HPSE2: variants seen among roughly 807,000 people sequenced by gnomAD.
HPSE2 encodes heparanase 2 (inactive).
In HPSE2, 38 loss-of-function variants were observed where a neutral mutation model predicts 60.5. The observed-to-expected ratio is 0.63, with a 90% CI of 0.48 to 0.82. HPSE2 has a LOEUF of 0.82. HPSE2 is among the 40% of genes least tolerant of loss of function. HPSE2 has a pLI of 0.00. For synonymous variants in HPSE2, 295 were observed against 293.2 expected, an observed-to-expected ratio of 1.01 and a Z score of -0.06; for missense variants, 713 against 740.4, an observed-to-expected ratio of 0.96 and a Z score of 0.43.
At chr10:99,046,979 T>A (rs920135160) in intron 3 of HPSE2, among the ~76,000 whole-genome samples, 1 of 152,056 alleles carries the variant, frequency 6.6e-6, no homozygotes, top group Non-Finnish European at 1.5e-5. Flanking sequence ...AAAATTCATA[T>A]GGAATAACAA....
intron 2 of HPSE2, among the ~76,000 whole-genome samples, chr10:99,159,971 T>C (rs1043106235): frequency 4.0e-5 from 6 of 151,846 alleles, no homozygotes; most frequent in Non-Finnish European, 1.5e-5. Flanking sequence ...TGAAACCCTA[T>C]CTCTACTAAA....
chr10:98,968,557 T>G (rs1168435189), intron 3 of HPSE2, among the ~76,000 whole-genome samples: 1 of 152,200 alleles, frequency 6.6e-6, no homozygotes, highest in Non-Finnish European at 1.5e-5. Context: ...ACATGCATAT[T>G]TATAGCAGCA....
intron 3 of HPSE2, among the ~76,000 whole-genome samples, chr10:99,093,858 C>T (rs1050318785): frequency 3.3e-5 from 5 of 150,356 alleles, no homozygotes; most frequent in African/African-American, 1.2e-4. Flanking sequence ...CCATACCCTG[C>T]CTGTGTCCAT....
At chr10:98,713,742 T>A (rs1948728871) in intron 5 of HPSE2, among the ~76,000 whole-genome samples, 1 of 151,996 alleles carries the variant, frequency 6.6e-6, no homozygotes, top group Non-Finnish European at 1.5e-5. Context: ...CACATAATGT[T>A]AATATCCTGT....
At chr10:99,223,450 G>A (rs539011511) in intron 2 of HPSE2, among the ~76,000 whole-genome samples, 6 of 151,990 alleles carry the variant, frequency 3.9e-5, no homozygotes, top group East Asian at 3.9e-4. Context: ...TTCTAACTTC[G>A]CATTCCAAAC....
At chr10:99,148,191 T>C (rs749053513) in intron 2 of HPSE2, among the ~76,000 whole-genome samples, 5 of 152,194 alleles carry the variant, frequency 3.3e-5, no homozygotes, top group East Asian at 1.9e-4. Flanking sequence ...AGTGAAGAGT[T>C]TGGAGTTAAG....
chr10:98,923,274 G>A (rs1015600414), intron 3 of HPSE2, among the ~76,000 whole-genome samples: 6 of 152,162 alleles, frequency 3.9e-5, no homozygotes, highest in African/African-American at 9.7e-5. Context: ...AGACCTATTG[G>A]AGCTCCACTG....
At chr10:98,607,828 CATCAAATATAT>C (rs1386942918) in intron 9 of HPSE2, among the ~76,000 whole-genome samples, 1 of 152,026 alleles carries the variant, frequency 6.6e-6, no homozygotes, top group Non-Finnish European at 1.5e-5. Context: ...GTATCAAATG[CATCAAATATAT>C]ATCAAATACA....
intron 3 of HPSE2, among the ~76,000 whole-genome samples, chr10:99,023,478 G>A (rs979503088): frequency 1.3e-5 from 2 of 152,108 alleles, no homozygotes; most frequent in African/African-American, 2.4e-5. Flanking sequence ...GCTGATTGTA[G>A]AGCTCCAGGG....
chr10:99,291,578 A>G, the HPSE2 span, among the ~76,000 whole-genome samples: 7 of 62,970 alleles, frequency 1.1e-4, no homozygotes, highest in Non-Finnish European at 1.6e-4. Flanking sequence ...GCAAGACTCC[A>G]TCTGAAAAAA....
intron 3 of HPSE2, among the ~76,000 whole-genome samples, chr10:98,979,864 GA>G (rs1055311035): frequency 9.9e-5 from 15 of 152,128 alleles, no homozygotes; most frequent in African/African-American, 3.6e-4. Context: ...GAAGAATGAG[GA>G]AAAGCCATAT....
At chr10:99,171,481 T>G (rs1847306909) in intron 2 of HPSE2, among the ~76,000 whole-genome samples, 1 of 152,174 alleles carries the variant, frequency 6.6e-6, no homozygotes, top group South Asian at 2.1e-4. Context: ...TAGCTCTGAA[T>G]GTTCCTCTCT....
At chr10:98,868,493 T>G (rs1952650161) in intron 3 of HPSE2, among the ~76,000 whole-genome samples, 1 of 152,094 alleles carries the variant, frequency 6.6e-6, no homozygotes, top group Non-Finnish European at 1.5e-5. Context: ...TAAAAATAAC[T>G]AAGAATATAA....
chr10:99,051,440 G>A (rs1197392475), intron 3 of HPSE2, among the ~76,000 whole-genome samples: 1 of 152,134 alleles, frequency 6.6e-6, no homozygotes, highest in Non-Finnish European at 1.5e-5. Flanking sequence ...GCATTCATCA[G>A]TCTGTGCCAA....
intron 3 of HPSE2, among the ~76,000 whole-genome samples, chr10:98,989,835 T>G (rs1243529364): frequency 1.3e-5 from 2 of 152,132 alleles, no homozygotes; most frequent in Non-Finnish European, 2.9e-5. Context: ...GTAGGACTCT[T>G]GGTATTTTCA....
At chr10:99,308,121 C>T in the HPSE2 span, among the ~76,000 whole-genome samples, 1 of 151,982 alleles carries the variant, frequency 6.6e-6, no homozygotes, top group Admixed American at 6.6e-5. Flanking sequence ...GGTGCGGTGG[C>T]TCATGCCTGT....
At chr10:99,061,282 A>C (rs559648172) in intron 3 of HPSE2, among the ~76,000 whole-genome samples, 1 of 151,988 alleles carries the variant, frequency 6.6e-6, no homozygotes, top group African/African-American at 2.4e-5. Context: ...CAGATGACCC[A>C]GTATGCATCC....
chr10:98,704,437 A>G (rs367671698), intron 5 of HPSE2, among the ~76,000 whole-genome samples: 1 of 144,776 alleles, frequency 6.9e-6, no homozygotes, highest in Non-Finnish European at 1.5e-5. Flanking sequence ...AAAAAAAAAA[A>G]AGCCCAGATA....
intron 2 of HPSE2, among the ~76,000 whole-genome samples, chr10:99,179,432 T>C (rs1211935566): frequency 6.6e-6 from 1 of 152,200 alleles, no homozygotes; most frequent in Non-Finnish European, 1.5e-5. Context: ...ACAAAATCAA[T>C]GTGCAAAAAT....
Sources: gnomAD v4.1 joint callset for allele counts (sites outside exome capture counted in the v4.1 genomes callset) on GRCh38, gnomAD v4.1.1 for gene constraint, MANE v1.5 for transcripts, NCBI Gene and HGNC (gene_info 2026-07-23, HGNC 2026-07-21) for gene names.